The following RAD54L2 variants were observed in gnomAD, a reference collection of about 807,000 sequenced individuals.
The protein encoded by RAD54L2 is RAD54 like 2, also known as helicase ARIP4.
A neutral mutation model predicts 138.4 loss-of-function variants in RAD54L2; 27 were observed. That is an observed-to-expected ratio of 0.20 (90% CI 0.14 to 0.27). The LOEUF (loss-of-function observed/expected upper bound fraction) is 0.27. Ranked by LOEUF, RAD54L2 falls within the 10% of genes least tolerant of loss-of-function variation. The pLI is 1.00. For synonymous variants in RAD54L2, 644 were observed against 723.2 expected, an observed-to-expected ratio of 0.89 and a Z score of 1.76; for missense variants, 1,396 against 1,890.2, an observed-to-expected ratio of 0.74 and a Z score of 4.85.
intron 2 of RAD54L2, among the ~76,000 whole-genome samples, chr3:51,557,822 C>T (rs191441807): frequency 7.8e-6 from 1 of 129,024 alleles, no homozygotes; most frequent in Non-Finnish European, 1.6e-5. Context: ...AAGAGGGAAA[C>T]TCCATCTCAA....
chr3:51,627,259 T>TCATAGCA (rs1205276171), intron 3 of RAD54L2, among the ~76,000 whole-genome samples: 5 of 152,160 alleles, frequency 3.3e-5, no homozygotes, highest in African/African-American at 1.2e-4. Context: ...CTAACTCTGA[T>TCATAGCA]CATAGCACTA....
intron 2 of RAD54L2, among the ~76,000 whole-genome samples, chr3:51,545,873 C>A (rs1217549126): frequency 6.7e-6 from 1 of 150,332 alleles, no homozygotes; most frequent in Non-Finnish European, 1.5e-5. Context: ...GATTAGACTG[C>A]ATAGAAATCC....
chr3:51,612,246 C>A (rs543811723), intron 3 of RAD54L2, among the ~76,000 whole-genome samples: 1 of 152,154 alleles, frequency 6.6e-6, no homozygotes, highest in African/African-American at 2.4e-5. Context: ...GGGCAGATCA[C>A]CTGAGGTCAG....
chr3:51,597,518 CG>C (rs1699989873), intron 3 of RAD54L2, among the ~76,000 whole-genome samples: 1 of 152,002 alleles, frequency 6.6e-6, no homozygotes. Flanking sequence ...AATTCACATA[CG>C]TTTTTTGAGA....
chr3:51,553,073 G>GT (rs1244846563), intron 2 of RAD54L2, among the ~76,000 whole-genome samples: 1 of 151,866 alleles, frequency 6.6e-6, no homozygotes, highest in Admixed American at 6.6e-5. Context: ...CTTTGTGTGT[G>GT]TTTTTTTGTT....
chr3:51,655,887 C>A, intron 19 of RAD54L2, 84 bp from the exon 20 acceptor site: 1 of 1,207,598 alleles, frequency 8.3e-7, no homozygotes, highest in Non-Finnish European at 1.2e-6. Flanking sequence ...TAGAATGGGG[C>A]AGCCTAGAAA....
rs963153972 is a variant in RAD54L2, at chr3:51,667,580, G to C, written c.*4160G>C. ...AAGTGAAGTCATCCTTCCCCAAAAG[G>C]ACCCCTGGGAGATGTTCTGGCCCTC... On this transcript the variant is annotated 3_prime_UTR_variant, in exon 23 of 23. Transcript: ENST00000684192. 2.6e-5 allele frequency: 4 copies of C among 152,186 alleles called. No individual in the cohort carries two copies. The highest frequency in any genetic ancestry group is 9.7e-5 in the African/African-American group (4 of 41,386). 9.4% of individuals were successfully genotyped at this position (152,186 alleles called of 1,614,324 possible).
chr3:51,588,526 C>A, intron 2 of RAD54L2, among the ~76,000 whole-genome samples: 1 of 119,052 alleles, frequency 8.4e-6, no homozygotes. Context: ...CAGAGTGAAA[C>A]TGCATCTCAA....
intron 3 of RAD54L2, among the ~76,000 whole-genome samples, chr3:51,622,942 C>A (rs1700597789): frequency 6.6e-6 from 1 of 152,232 alleles, no homozygotes; most frequent in Non-Finnish European, 1.5e-5. Flanking sequence ...AGGAAGCGCC[C>A]CAATGCCCAG....
intron 2 of RAD54L2, among the ~76,000 whole-genome samples, chr3:51,552,554 G>A (rs1469640534): frequency 1.4e-5 from 2 of 144,452 alleles, no homozygotes; most frequent in South Asian, 2.2e-4. Flanking sequence ...GAGCCACTGC[G>A]CCTGGCCTTT....
At chr3:51,545,104 GTGTCTGGAGCTGTA>G (rs1577378448) in intron 2 of RAD54L2, among the ~76,000 whole-genome samples, 1 of 152,170 alleles carries the variant, frequency 6.6e-6, no homozygotes, top group East Asian at 1.9e-4. Context: ...TAATTCTGAA[GTGTCTGGAGCTGTA>G]TGTTCTGAGT....
intron 2 of RAD54L2, among the ~76,000 whole-genome samples, chr3:51,549,015 C>G (rs1424942922): frequency 1.3e-5 from 2 of 151,380 alleles, no homozygotes; most frequent in Non-Finnish European, 2.9e-5. Flanking sequence ...TTTTTTGAGA[C>G]ACAGTCTTGC....
rs891163598 is a variant in RAD54L2, at chr3:51,552,384, T to A, written c.-55+10734T>A. 6.6e-5 allele frequency among the ~76,000 whole-genome samples: 10 copies of A among 151,728 alleles called. 1 individual carries two copies. The highest frequency in any genetic ancestry group is 6.6e-4 in the Admixed American group (10 of 15,196). ...TTCATGCCATTCTCCTGCTTCAGCC[T>A]CCCGAGTAGGTGGGACTACAGGCAC... On this transcript the variant is annotated intron_variant, in intron 2 of 22. Coordinates refer to ENST00000684192, the MANE Select transcript of RAD54L2 (RefSeq NM_015106.4).
chr3:51,631,539 T>C (rs868562114), intron 7 of RAD54L2, among the ~76,000 whole-genome samples: 2 of 150,766 alleles, frequency 1.3e-5, no homozygotes, highest in African/African-American at 4.9e-5. Flanking sequence ...AGATGAGGTT[T>C]CGCCACGTTG....
chr3:51,566,141 A>G (rs2106650499), intron 2 of RAD54L2, among the ~76,000 whole-genome samples: 1 of 152,232 alleles, frequency 6.6e-6, no homozygotes, highest in South Asian at 2.1e-4. Flanking sequence ...AGCTCCCTTT[A>G]TGTCTAGTAG....
intron 3 of RAD54L2, among the ~76,000 whole-genome samples, chr3:51,603,331 T>C (rs2106739810): frequency 6.6e-6 from 1 of 151,886 alleles, no homozygotes; most frequent in South Asian, 2.1e-4. Flanking sequence ...ATAGGCTGGA[T>C]GCAGTGGCTC....
intron 2 of RAD54L2, among the ~76,000 whole-genome samples, chr3:51,564,410 T>A (rs1453520191): frequency 6.6e-6 from 1 of 152,218 alleles, no homozygotes; most frequent in Non-Finnish European, 1.5e-5. Context: ...TACATTAAAT[T>A]TGGAGTCCTG....
At chr3:51,628,701 C>A (rs1287256155) in intron 4 of RAD54L2, among the ~76,000 whole-genome samples, 1 of 150,452 alleles carries the variant, frequency 6.6e-6, no homozygotes, top group African/African-American at 2.4e-5. Flanking sequence ...ATCCTAATTT[C>A]TTTTCTACAT....
At chr3:51,598,171 G>A (rs1364962128) in intron 3 of RAD54L2, among the ~76,000 whole-genome samples, 2 of 144,942 alleles carry the variant, frequency 1.4e-5, no homozygotes, top group African/African-American at 5.1e-5. Context: ...GTGTGTGTGT[G>A]TGTGTGTATA....
Sources: allele counts gnomAD v4.1 joint callset (sites outside exome capture counted in the v4.1 genomes callset), GRCh38; gene constraint gnomAD v4.1.1; transcripts MANE v1.5; gene names NCBI Gene and HGNC (gene_info 2026-07-23, HGNC 2026-07-21).